Variants in CAMKMT observed in about 807,000 individuals in gnomAD.
CAMKMT encodes the protein calmodulin-lysine N-methyltransferase.
A neutral mutation model predicts 48.0 loss-of-function variants in CAMKMT; 53 were observed. The observed-to-expected ratio is 1.10, with a 90% CI of 0.89 to 1.39. The LOEUF (loss-of-function observed/expected upper bound fraction) is 1.39, where lower values mean the gene tolerates loss of function less well. Among genes scored for constraint, CAMKMT ranks in the 40% most tolerant of loss-of-function variants. CAMKMT has a pLI of 0.00. For synonymous variants in CAMKMT, 165 were observed against 152.3 expected (o/e 1.08, Z -0.61); for missense variants, 428 against 402.7 (o/e 1.06, Z -0.54).
chr2:44,451,597 AG>A (rs1210564946), intron 3 of CAMKMT, among the ~76,000 whole-genome samples: 1 of 152,038 alleles, frequency 6.6e-6, no homozygotes, highest in East Asian at 1.9e-4. Flanking sequence ...TGTAATCAAA[AG>A]CAGTAACTAC....
intron 3 of CAMKMT, among the ~76,000 whole-genome samples, chr2:44,680,432 C>A (rs1675951222): frequency 6.6e-6 from 1 of 152,168 alleles, no homozygotes; most frequent in African/African-American, 2.4e-5. Context: ...ACTGGATTAT[C>A]CCCTTCACTT....
intron 3 of CAMKMT, chr2:44,391,954 T>C (rs1286517533): frequency 6.6e-6 from 1 of 152,662 alleles, no homozygotes. Context: ...TCTTGAGCAA[T>C]TTGTATCATC....
intron 3 of CAMKMT, among the ~76,000 whole-genome samples, chr2:44,530,950 T>A (rs1359169299): frequency 6.6e-6 from 1 of 151,988 alleles, no homozygotes; most frequent in Non-Finnish European, 1.5e-5. Flanking sequence ...CAAGATATGA[T>A]GACAAAGATC....
intron 3 of CAMKMT, among the ~76,000 whole-genome samples, chr2:44,689,568 A>G (rs1676528534): frequency 6.6e-6 from 1 of 152,108 alleles, no homozygotes; most frequent in Non-Finnish European, 1.5e-5. Context: ...ACTGACAATG[A>G]AAGTGTTCCT....
intron 3 of CAMKMT, among the ~76,000 whole-genome samples, chr2:44,471,479 C>G (rs559257234): frequency 2.0e-5 from 3 of 151,916 alleles, no homozygotes; most frequent in Admixed American, 2.0e-4. Context: ...GGGTGCCTGT[C>G]GTCCCAGTTA....
intron 3 of CAMKMT, among the ~76,000 whole-genome samples, chr2:44,440,857 G>A (rs1342575295): frequency 6.6e-6 from 1 of 151,910 alleles, no homozygotes; most frequent in Non-Finnish European, 1.5e-5. Flanking sequence ...TAATATCATG[G>A]TATTATTTTT....
chr2:44,398,816 C>A (rs1682097704), intron 3 of CAMKMT, among the ~76,000 whole-genome samples: 1 of 152,046 alleles, frequency 6.6e-6, no homozygotes. Context: ...TTTATATGAA[C>A]TGTGTATATT....
rs558263033 is a variant in CAMKMT at position 44,669,503 on chromosome 2, G to A, written c.377-34780G>A. ...TTACCTAATTATCCTCTGAAGTGTT[G>A]TATCAATTTATACTAATATAAGCAC... On this transcript the variant is annotated intron_variant, in intron 3 of 10. Coordinates refer to ENST00000378494, the MANE Select transcript of CAMKMT (RefSeq NM_024766.5). Among the ~76,000 whole-genome samples, 3 of 152,280 alleles carry A rather than the reference G, an allele frequency of 2.0e-5. No individual in the cohort carries two copies. The South Asian group carries it at 6.2e-4, about 32-fold the overall frequency.
chr2:44,556,456 T>C (rs1668014862), intron 3 of CAMKMT, among the ~76,000 whole-genome samples: 1 of 36,670 alleles, frequency 2.7e-5, no homozygotes, highest in South Asian at 9.7e-4. Flanking sequence ...CTTTCTTTTT[T>C]TTTTTTTTTT....
chr2:44,461,659 TAA>T (rs1478572869), intron 3 of CAMKMT, among the ~76,000 whole-genome samples: 2 of 152,216 alleles, frequency 1.3e-5, no homozygotes, highest in Non-Finnish European at 2.9e-5. Context: ...ATTTCTTGAA[TAA>T]GTGAGTGTAA....
intron 3 of CAMKMT, among the ~76,000 whole-genome samples, chr2:44,398,465 G>A (rs536246162): frequency 1.3e-5 from 2 of 152,182 alleles, no homozygotes; most frequent in African/African-American, 4.8e-5. Context: ...ATGGGGATTT[G>A]GGGAGTGTGG....
intron 3 of CAMKMT, among the ~76,000 whole-genome samples, chr2:44,523,769 C>A (rs1671251623): frequency 7.8e-6 from 1 of 128,786 alleles, no homozygotes; most frequent in Non-Finnish European, 1.6e-5. Context: ...AGAGAGCGAG[C>A]ATTTTTTTTT....
chr2:44,404,167 A>T (rs1350004261), intron 3 of CAMKMT, among the ~76,000 whole-genome samples: 1 of 152,162 alleles, frequency 6.6e-6, no homozygotes, highest in Non-Finnish European at 1.5e-5. Flanking sequence ...TGCTTTGTGG[A>T]TTAGTGAACT....
intron 6 of CAMKMT, among the ~76,000 whole-genome samples, chr2:44,709,334 C>T (rs781605750): frequency 3.3e-5 from 5 of 152,126 alleles, no homozygotes; most frequent in Non-Finnish European, 7.4e-5. Flanking sequence ...TAAAGTAGGT[C>T]TTTTCAGGAT....
chr2:44,533,455 T>C (rs1376115972), intron 3 of CAMKMT, among the ~76,000 whole-genome samples: 3 of 151,900 alleles, frequency 2.0e-5, no homozygotes, highest in Admixed American at 2.0e-4. Context: ...GCCAGGCTGG[T>C]CTTGAACTCC....
intron 2 of CAMKMT, among the ~76,000 whole-genome samples, chr2:44,384,500 C>CTTTTTTTTTTTTTTTTTTTT (rs141017634): frequency 2.1e-5 from 2 of 95,856 alleles, no homozygotes; most frequent in African/African-American, 3.4e-5. Context: ...AGCTATTTAT[C>CTTTTTTTTTTTTTTTTTTTT]TTTTTTTTTT....
rs151262006 is a variant in CAMKMT at position 44,535,014 on chromosome 2, G to GGAGA, written c.376+144726_376+144729dup. Among the ~76,000 whole-genome samples, 7 of 148,786 alleles carry GGAGA rather than the reference G, an allele frequency of 4.7e-5. No homozygotes were observed. In the East Asian group the frequency reaches 9.8e-4, roughly 21 times the overall value. On this transcript the variant is annotated intron_variant, in intron 3 of 10. Transcript: ENST00000378494. The stretch of plus-strand genomic sequence containing the variant: ...ATTGCTATAACCAAAGGGGAGAGGG[G>GGAGA]GAGAGAGAGAGAGAGAGAGACCCAA...
In CAMKMT at chr2:44,618,106, T is replaced by G. The variant is rs1055618652; in HGVS notation, c.377-86177T>G. ...TGAATTTTCATTTAAAAGTAAAAAATGATGTTCTCTGCTTCAAGCAGCAGG... is the reference window on the plus strand; with the variant it reads ...TGAATTTTCATTTAAAAGTAAAAAAGGATGTTCTCTGCTTCAAGCAGCAGG... On this transcript the variant is annotated intron_variant, in intron 3 of 10. Transcript: ENST00000378494. The surrounding 1 kb of genome is among the most constrained non-coding windows in gnomAD (Gnocchi z 4.0). 6.6e-6 allele frequency among the ~76,000 whole-genome samples: 1 copy of G among 152,152 alleles called. No individual in the cohort carries two copies. Among genetic ancestry groups the G allele is most frequent in the Non-Finnish European group, 1.5e-5 (1 of 68,034 alleles).
intron 3 of CAMKMT, among the ~76,000 whole-genome samples, chr2:44,531,908 T>C (rs1666504124): frequency 2.0e-5 from 3 of 152,208 alleles, no homozygotes; most frequent in African/African-American, 4.8e-5. Context: ...AGGCTTCTTC[T>C]AGAGGAGGTT....
Sources: gnomAD v4.1 joint callset for allele counts (sites outside exome capture counted in the v4.1 genomes callset) on GRCh38, gnomAD v4.1.1 for gene constraint, Gnocchi (gnomAD v3.1) non-coding constraint, MANE v1.5 for transcripts, NCBI Gene and HGNC (gene_info 2026-07-23, HGNC 2026-07-21) for gene names.